CYP19A1: variants seen among roughly 807,000 people sequenced by gnomAD.
The protein encoded by CYP19A1 is aromatase.
A neutral mutation model predicts 44.4 loss-of-function variants in CYP19A1; 32 were observed. That is an observed-to-expected ratio of 0.72 (90% CI 0.54 to 0.97). The LOEUF (loss-of-function observed/expected upper bound fraction) is 0.97, where lower values mean the gene tolerates loss of function less well. Ranked by LOEUF, CYP19A1 falls within the 50% of genes least tolerant of loss-of-function variation. CYP19A1 has a pLI of 0.00. For missense variants in CYP19A1, 598 were observed against 637.8 expected, an observed-to-expected ratio of 0.94 and a Z score of 0.67; for synonymous variants, 212 against 215.6, an observed-to-expected ratio of 0.98 and a Z score of 0.14.
chr15:51,308,732 T>A (rs553746155), intron 1 of CYP19A1, among the ~76,000 whole-genome samples: 1 of 152,116 alleles, frequency 6.6e-6, no homozygotes, highest in East Asian at 1.9e-4. Context: ...TGGATTCTAG[T>A]CTACAATTTG....
At chr15:51,294,808 C>T (rs1376552687) in intron 1 of CYP19A1, among the ~76,000 whole-genome samples, 2 of 152,016 alleles carry the variant, frequency 1.3e-5, no homozygotes, top group Admixed American at 6.5e-5. Context: ...GCCACCACCC[C>T]GTCTGGGAGG....
Position 51,327,427 on chromosome 15 carries a change from A to AC in CYP19A1, c.-39+11067dup, listed in dbSNP as rs904372784. On this transcript the variant is annotated intron_variant, in intron 1 of 9. Coordinates refer to ENST00000396402, the MANE Select transcript of CYP19A1 (RefSeq NM_000103.4). ...ATGAGTAGAGCCATCTAATGTTCTC[A>AC]CCCCCCAAATCATGCATGCATGCAT... Among the ~76,000 whole-genome samples the AC allele has an allele frequency of 8.8e-4, 133 of 150,390 alleles. 1 individual carries two copies. Among genetic ancestry groups the AC allele is most frequent in the African/African-American group, 3.2e-3 (131 of 40,794 alleles).
rs916256444 is a variant in CYP19A1, at chr15:51,242,872, G to C, written c.41C>G (p.Thr14Ser). The C allele has an allele frequency of 6.2e-7, 1 of 1,607,976 alleles. No individual in the cohort carries two copies. Among genetic ancestry groups the C allele is most frequent in the Non-Finnish European group, 8.5e-7 (1 of 1,174,528 alleles). Residue 14 changes from threonine to serine, a missense_variant, in exon 2 of 10, where the codon ACC (threonine) becomes AGC (serine). By Grantham distance (58) the Thr-to-Ser change is moderately conservative. Transcript: ENST00000396402. Reference protein sequence around the residue: ...EMLNPIHYNITSIVPEAMPAA... With the variant: ...EMLNPIHYNISSIVPEAMPAA... ...AGGCATGGCTTCAGGCACGATGCTG[G>C]TGATGTTATAATGTATCGGGTTCAG...
chr15:51,300,339 C>T (rs1043319649), intron 1 of CYP19A1, among the ~76,000 whole-genome samples: 2 of 152,178 alleles, frequency 1.3e-5, no homozygotes, highest in Admixed American at 1.3e-4. Context: ...ACCTAAGCTA[C>T]AACTCACGAG....
At chr15:51,316,948 G>C (rs2036437297) in intron 1 of CYP19A1, among the ~76,000 whole-genome samples, 1 of 152,114 alleles carries the variant, frequency 6.6e-6, no homozygotes, top group South Asian at 2.1e-4. Context: ...TAAGATGTCT[G>C]AAACCCAGGC....
intron 5 of CYP19A1, among the ~76,000 whole-genome samples, chr15:51,220,264 G>C (rs2031959411): frequency 1.3e-5 from 2 of 152,172 alleles, no homozygotes; most frequent in Non-Finnish European, 2.9e-5. Context: ...CACACACACT[G>C]TTGCCCTCCT....
Position 51,210,567 on chromosome 15 carries a change from C to T in CYP19A1, c.*241G>A, listed in dbSNP as rs1250263205. ...GTCTTTATGGATACGGTTTCTTCAC[C>T]GACTATTTCTCCCTCAAACTCTTGG... On this transcript the variant is annotated 3_prime_UTR_variant, in exon 10 of 10. Coordinates refer to ENST00000396402, the MANE Select transcript of CYP19A1 (RefSeq NM_000103.4). 3.5e-5 allele frequency: 23 copies of T among 653,302 alleles called. No homozygotes were observed. The highest frequency in any genetic ancestry group is 1.5e-4 in the South Asian group (10 of 66,782). 40.5% of individuals were successfully genotyped at this position (653,302 alleles called of 1,614,324 possible).
intron 1 of CYP19A1, among the ~76,000 whole-genome samples, chr15:51,267,335 G>A (rs562083472): frequency 1.4e-4 from 21 of 152,194 alleles, no homozygotes; most frequent in African/African-American, 5.1e-4. Flanking sequence ...ATAAAAACGC[G>A]GGGCCCCGCG....
At chr15:51,321,492 A>G (rs1243594428) in intron 1 of CYP19A1, 1 of 152,284 alleles carries the variant, frequency 6.6e-6, no homozygotes, top group East Asian at 1.9e-4. Flanking sequence ...AGAGTCCTCA[A>G]ACCAGTTCAT....
intron 1 of CYP19A1, among the ~76,000 whole-genome samples, chr15:51,338,195 A>AGAAAAACCC (rs2036808103): frequency 6.6e-6 from 1 of 152,180 alleles, no homozygotes; most frequent in Non-Finnish European, 1.5e-5. Context: ...TCCTCTCCTC[A>AGAAAAACCC]CCATTGGATA....
At chr15:51,251,066 TC>T (rs1303090787) in intron 1 of CYP19A1, among the ~76,000 whole-genome samples, 3 of 152,104 alleles carry the variant, frequency 2.0e-5, no homozygotes, top group Non-Finnish European at 4.4e-5. Flanking sequence ...CCTGTTCACT[TC>T]CCAGGCCTGC....
intron 1 of CYP19A1, among the ~76,000 whole-genome samples, chr15:51,319,360 G>C (rs1403934418): frequency 6.6e-6 from 1 of 152,170 alleles, no homozygotes. Flanking sequence ...AGTATCTGAA[G>C]ATCAGACACT....
chr15:51,259,101 G>A (rs1027140957), intron 1 of CYP19A1, among the ~76,000 whole-genome samples: 3 of 152,114 alleles, frequency 2.0e-5, no homozygotes, highest in Non-Finnish European at 4.4e-5. Context: ...TTGCCCTCCC[G>A]CCATTCAGGA....
intron 1 of CYP19A1, among the ~76,000 whole-genome samples, chr15:51,286,098 A>G (rs2035689786): frequency 1.3e-5 from 2 of 152,178 alleles, no homozygotes; most frequent in South Asian, 4.1e-4. Flanking sequence ...TTCTTGGGAA[A>G]GATTTGCCCT....
At chr15:51,238,767 T>A (rs2033568316) in intron 2 of CYP19A1, among the ~76,000 whole-genome samples, 1 of 152,206 alleles carries the variant, frequency 6.6e-6, no homozygotes, top group African/African-American at 2.4e-5. Context: ...ATTAAGAACC[T>A]GAGTGTTCTA....
intron 4 of CYP19A1, among the ~76,000 whole-genome samples, chr15:51,224,669 A>G (rs1485345781): frequency 3.3e-5 from 5 of 152,216 alleles, no homozygotes; most frequent in African/African-American, 9.6e-5. Context: ...CCTTCCAATT[A>G]GTCATTCTCT....
chr15:51,296,169 A>T (rs2035991737), intron 1 of CYP19A1, among the ~76,000 whole-genome samples: 1 of 151,984 alleles, frequency 6.6e-6, no homozygotes, highest in African/African-American at 2.4e-5. Flanking sequence ...CAGGCAAGTC[A>T]GTTGGGGGCC....
At chr15:51,304,510 G>A (rs189514631) in intron 1 of CYP19A1, among the ~76,000 whole-genome samples, 8 of 152,288 alleles carry the variant, frequency 5.3e-5, no homozygotes, top group Non-Finnish European at 4.4e-5. Flanking sequence ...CCACTCCCAT[G>A]TCAAGTTAAC....
chr15:51,223,026 G>C (rs2032246074), intron 4 of CYP19A1, among the ~76,000 whole-genome samples: 1 of 152,128 alleles, frequency 6.6e-6, no homozygotes, highest in African/African-American at 2.4e-5. Context: ...AGTGTAAAAG[G>C]CTAGTTGTAA....
Sources: allele counts gnomAD v4.1 joint callset (sites outside exome capture counted in the v4.1 genomes callset), GRCh38; gene constraint gnomAD v4.1.1; transcripts MANE v1.5; gene names NCBI Gene and HGNC (gene_info 2026-07-23, HGNC 2026-07-21).